The following INTS9 variants were observed in gnomAD, a reference collection of about 807,000 sequenced individuals.
INTS9 encodes the protein integrator complex subunit 9, also known as protein related to CPSF subunits of 74 kDa.
A neutral mutation model predicts 79.7 loss-of-function variants in INTS9; 55 were observed. The ratio of observed to expected loss-of-function variants is 0.69; its 90% CI spans 0.56 to 0.86. The LOEUF (loss-of-function observed/expected upper bound fraction) is 0.86, where lower values mean the gene tolerates loss of function less well. Ranked by LOEUF, INTS9 falls within the 40% of genes least tolerant of loss-of-function variation. The pLI is 0.00. For missense variants in INTS9, 721 were observed against 831.5 expected (o/e 0.87, Z 1.64); for synonymous variants, 319 against 325.2 (o/e 0.98, Z 0.20).
Position 28,769,976 on chromosome 8 carries a change from C to T in INTS9, c.1713G>A (p.Val571=), listed in dbSNP as rs554618206. The change falls in exon 16 of 17, where the codon GTG becomes GTA. Residue 571 remains valine, a synonymous_variant. Transcript: ENST00000521022. ...QPTSGKKRKR[V]SDDVPDCKVL... ...CTTTGCAGTCTGGTACGTCATCGCTCACCCGCTTTCTCTTCTTCCCGCTCG... is the reference window on the plus strand; with the variant it reads ...CTTTGCAGTCTGGTACGTCATCGCTTACCCGCTTTCTCTTCTTCCCGCTCG... 1.9e-6 allele frequency: 3 copies of T among 1,614,222 alleles called. No homozygotes were observed. The highest frequency in any genetic ancestry group is 3.3e-5 in the Admixed American group (2 of 60,034).
chr8:28,811,132 T>C (rs1028262404), intron 8 of INTS9, among the ~76,000 whole-genome samples: 3 of 150,704 alleles, frequency 2.0e-5, no homozygotes, highest in Non-Finnish European at 3.0e-5. Flanking sequence ...CTCTCTCTTT[T>C]TTTTTTTTTT....
Position 28,767,919 on chromosome 8 carries a change from CAGAGTTGAGAAGAAAATG to C in INTS9, c.*209_*226del, listed in dbSNP as rs1347406254. On this transcript the variant is annotated 3_prime_UTR_variant, in exon 17 of 17. Coordinates refer to ENST00000521022, the MANE Select transcript of INTS9 (RefSeq NM_018250.4). Reference sequence around the variant, plus strand: ...CCACCCTCCAGCTCCTTGAGAGAGCCAGAGTTGAGAAGAAAATGAGCCTGAAGTTGAAAGGGAAAGTTC... The same window carrying C: ...CCACCCTCCAGCTCCTTGAGAGAGCCAGCCTGAAGTTGAAAGGGAAAGTTC... The C allele has an allele frequency of 1.1e-5, 6 of 528,580 alleles. No individual in the cohort carries two copies. Among genetic ancestry groups the C allele is most frequent in the Non-Finnish European group, 1.7e-5 (5 of 293,924 alleles). The allele number at this position is 528,580 out of a possible 1,614,324, so 32.7% of individuals were successfully genotyped here.
chr8:28,821,620 G>C (rs1315086481), intron 6 of INTS9, among the ~76,000 whole-genome samples: 1 of 152,202 alleles, frequency 6.6e-6, no homozygotes, highest in African/African-American at 2.4e-5. Context: ...CAGTATTTCA[G>C]AGGGGGCTGT....
At chr8:28,836,917 C>T (rs953620435) in intron 5 of INTS9, among the ~76,000 whole-genome samples, 1 of 152,172 alleles carries the variant, frequency 6.6e-6, no homozygotes, top group African/African-American at 2.4e-5. Context: ...ATTTTGGAAC[C>T]TGACAGTTTC....
chr8:28,813,695 G>C, intron 6 of INTS9, 83 bp from the exon 7 acceptor site: 1 of 1,449,950 alleles, frequency 6.9e-7, no homozygotes, highest in Non-Finnish European at 9.5e-7. Context: ...TTGTCCATTT[G>C]ATCCAAATGG....
chr8:28,768,727 CAA>C (rs1475864614), intron 16 of INTS9, among the ~76,000 whole-genome samples: 2 of 152,156 alleles, frequency 1.3e-5, no homozygotes, highest in African/African-American at 4.8e-5. Context: ...AGAGCCCTCT[CAA>C]GAGTGAAGGA....
chr8:28,787,922 G>T, intron 10 of INTS9, 33 bp from the exon 11 acceptor site: 1 of 1,519,270 alleles, frequency 6.6e-7, no homozygotes, highest in Non-Finnish European at 9.1e-7. Flanking sequence ...CAGCATGTGA[G>T]GAAGAGCATA....
intron 5 of INTS9, 109 bp from the exon 6 acceptor site, chr8:28,835,487 T>C (rs779412336): frequency 1.1e-4 from 74 of 658,954 alleles, no homozygotes; most frequent in Non-Finnish European, 1.7e-4. Flanking sequence ...CCCTACACCA[T>C]TTCATCATCA....
intron 5 of INTS9, 84 bp downstream of exon 5, chr8:28,837,553 C>T (rs1338068172): frequency 1.4e-6 from 2 of 1,432,362 alleles, no homozygotes; most frequent in Admixed American, 2.2e-5. Context: ...AACCACCAGC[C>T]CTGGTATAAT....
intron 1 of INTS9, among the ~76,000 whole-genome samples, chr8:28,862,861 T>C (rs996928526): frequency 3.9e-5 from 6 of 152,190 alleles, no homozygotes; most frequent in African/African-American, 1.4e-4. Context: ...TGCAATGATA[T>C]GAAGTAGGGA....
intron 8 of INTS9, among the ~76,000 whole-genome samples, chr8:28,803,238 A>G (rs1313511475): frequency 1.3e-5 from 2 of 152,268 alleles, no homozygotes; most frequent in African/African-American, 4.8e-5. Context: ...AGTCAGACAG[A>G]GTAGCCAAGA....
chr8:28,825,190 T>C (rs117532967), intron 6 of INTS9, among the ~76,000 whole-genome samples: 4,179 of 152,266 alleles, frequency 0.027, 90 homozygotes, highest in Middle Eastern at 0.044. Context: ...GCACAGAAAA[T>C]GAAGACCTCT....
At chr8:28,809,094 C>T (rs760888069) in intron 8 of INTS9, among the ~76,000 whole-genome samples, 3 of 152,006 alleles carry the variant, frequency 2.0e-5, no homozygotes, top group South Asian at 2.1e-4. Context: ...GGACCACAGG[C>T]GCATGCCACC....
chr8:28,815,955 C>T (rs1805446628), intron 6 of INTS9, among the ~76,000 whole-genome samples: 1 of 152,008 alleles, frequency 6.6e-6, no homozygotes, highest in Non-Finnish European at 1.5e-5. Context: ...ATTTAGACTA[C>T]AAGCAAACCT....
intron 6 of INTS9, among the ~76,000 whole-genome samples, chr8:28,829,362 A>C (rs1347602787): frequency 6.6e-6 from 1 of 152,184 alleles, no homozygotes; most frequent in Non-Finnish European, 1.5e-5. Flanking sequence ...TGCAATGTCA[A>C]AGTTAGGAAG....
intron 6 of INTS9, among the ~76,000 whole-genome samples, chr8:28,831,271 C>T (rs1806472358): frequency 6.6e-6 from 1 of 152,134 alleles, no homozygotes; most frequent in African/African-American, 2.4e-5. Context: ...CACATGAACA[C>T]AGGCAGGGGA....
intron 2 of INTS9, among the ~76,000 whole-genome samples, chr8:28,851,232 C>G (rs1234185564): frequency 6.6e-6 from 1 of 151,116 alleles, no homozygotes; most frequent in Non-Finnish European, 1.5e-5. Context: ...TCTCTAAGGT[C>G]CCTCTTCCTC....
rs1807754730 is a variant in INTS9 at position 28,850,206 on chromosome 8, A to C, written c.198+7T>G. On this transcript the variant is annotated splice_region_variant and intron_variant, in intron 3 of 16. Coordinates refer to ENST00000521022, the MANE Select transcript of INTS9 (RefSeq NM_018250.4). ...GATAGGCTTTAGTTTGTAGTCTTAG[A>C]TATTACCTTGTCCAAGAAAGCATTT... is the stretch of plus-strand genomic sequence containing the variant. 6.2e-7 allele frequency: 1 copy of C among 1,611,716 alleles called. No individual in the cohort carries two copies. Among genetic ancestry groups the C allele is most frequent in the Admixed American group, 1.7e-5 (1 of 59,984 alleles).
At chr8:28,790,437 C>T (rs1803858220) in intron 10 of INTS9, among the ~76,000 whole-genome samples, 3 of 152,208 alleles carry the variant, frequency 2.0e-5, no homozygotes, top group Admixed American at 1.3e-4. Context: ...AAGAAATCCT[C>T]TTGCCTCAGC....
Sources: gnomAD v4.1 joint callset for allele counts (sites outside exome capture counted in the v4.1 genomes callset) on GRCh38, gnomAD v4.1.1 for gene constraint, MANE v1.5 for transcripts, NCBI Gene and HGNC (gene_info 2026-07-23, HGNC 2026-07-21) for gene names.